The following PRKN variants were observed in gnomAD, a reference collection of about 807,000 sequenced individuals.
The protein encoded by PRKN is parkin RBR E3 ubiquitin protein ligase, also known as E3 ubiquitin-protein ligase parkin.
Under a neutral mutation model 59.5 loss-of-function variants are expected in PRKN, and 56 were observed. The observed-to-expected ratio is 0.94, with a 90% CI of 0.76 to 1.18. PRKN has a LOEUF of 1.18. PRKN is among the 50% of genes most tolerant of loss of function. The pLI, the probability that PRKN is intolerant of heterozygous loss-of-function variation, is 0.00. For missense variants in PRKN, 657 were observed against 596.4 expected, an observed-to-expected ratio of 1.10 and a Z score of -1.06; for synonymous variants, 250 against 222.1, an observed-to-expected ratio of 1.13 and a Z score of -1.12.
intron 5 of PRKN, among the ~76,000 whole-genome samples, chr6:162,038,028 T>A (rs1783914964): frequency 6.7e-6 from 1 of 150,070 alleles, no homozygotes; most frequent in Non-Finnish European, 1.5e-5. Context: ...ATAATCATAC[T>A]GGCACACAGT....
chr6:162,476,061 T>C (rs1267527299), intron 1 of PRKN, among the ~76,000 whole-genome samples: 5 of 145,480 alleles, frequency 3.4e-5, no homozygotes, highest in African/African-American at 1.3e-4. Flanking sequence ...ACCACTCTTT[T>C]TTTTTTTTTT....
At chr6:161,998,717 T>C (rs762442272) in intron 5 of PRKN, among the ~76,000 whole-genome samples, 53 of 152,146 alleles carry the variant, frequency 3.5e-4, no homozygotes, top group Non-Finnish European at 1.2e-4. Context: ...TCCAGGAAAG[T>C]CTTGAGAGAA....
intron 4 of PRKN, among the ~76,000 whole-genome samples, chr6:162,083,624 G>T (rs1175629496): frequency 1.3e-5 from 2 of 151,914 alleles, no homozygotes; most frequent in African/African-American, 4.8e-5. Context: ...AACTAAACAG[G>T]TCCTCCTGTC....
intron 2 of PRKN, among the ~76,000 whole-genome samples, chr6:162,301,440 A>C (rs1168559336): frequency 6.6e-6 from 1 of 152,136 alleles, no homozygotes; most frequent in African/African-American, 2.4e-5. Context: ...GAGGGATGCC[A>C]TAACCAAACA....
chr6:162,661,106 A>C (rs1778857967), intron 1 of PRKN, among the ~76,000 whole-genome samples: 1 of 152,130 alleles, frequency 6.6e-6, no homozygotes, highest in South Asian at 2.1e-4. Flanking sequence ...TACTAAAAAT[A>C]CAAAATTAGC....
intron 2 of PRKN, among the ~76,000 whole-genome samples, chr6:162,402,296 A>T (rs1583509017): frequency 6.6e-6 from 1 of 151,940 alleles, no homozygotes; most frequent in African/African-American, 2.4e-5. Context: ...TCCGATAAGC[A>T]GTATTATTCC....
rs114477149 is a variant in PRKN, at chr6:161,660,121, C to G, written c.872-90705G>C. On this transcript the variant is annotated intron_variant, in intron 7 of 11. Transcript: ENST00000366898. ...TACTATAATGATTAGAACTATTAGT[C>G]TGCTATACAACTATCACAGATAATA... is the stretch of plus-strand genomic sequence containing the variant. Among the ~76,000 whole-genome samples the G allele has an allele frequency of 3.8e-3, 572 of 152,262 alleles. 3 individuals carry two copies. The highest frequency in any genetic ancestry group is 0.013 in the African/African-American group (546 of 41,548).
At chr6:161,382,353 A>G (rs1263037952) in intron 10 of PRKN, among the ~76,000 whole-genome samples, 4 of 151,584 alleles carry the variant, frequency 2.6e-5, no homozygotes, top group Non-Finnish European at 4.4e-5. Flanking sequence ...GCATGGGCAC[A>G]TTCCCCTCAG....
intron 7 of PRKN, among the ~76,000 whole-genome samples, chr6:161,598,574 GA>G (rs1781999682): frequency 6.6e-6 from 1 of 152,150 alleles, no homozygotes; most frequent in South Asian, 2.1e-4. Flanking sequence ...ACACGCATAT[GA>G]TTTCTATATT....
intron 1 of PRKN, among the ~76,000 whole-genome samples, chr6:162,668,785 C>T (rs1453376426): frequency 1.3e-5 from 2 of 151,990 alleles, no homozygotes; most frequent in Admixed American, 1.3e-4. Flanking sequence ...ATAGGTAGGC[C>T]CAGGGACATA....
At position 161,411,316 on chromosome 6, in the gene PRKN, T is replaced by C. The variant is rs952780682; in HGVS notation, c.1084-24439A>G. Among the ~76,000 whole-genome samples, 18 of 152,268 alleles carry C rather than the reference T, an allele frequency of 1.2e-4. No individual in the cohort carries two copies. In the East Asian group the frequency reaches 3.5e-3, roughly 29 times the overall value. The stretch of plus-strand genomic sequence containing the variant: ...AGTGAATAAGTCTCACAAGATCTGA[T>C]GGTTTTATAAAGGGGAGGTCCCCTG... On this transcript the variant is annotated intron_variant, in intron 9 of 11. Coordinates refer to ENST00000366898, the MANE Select transcript of PRKN (RefSeq NM_004562.3).
chr6:161,811,697 T>C (rs916144242), intron 6 of PRKN, among the ~76,000 whole-genome samples: 7 of 151,844 alleles, frequency 4.6e-5, no homozygotes, highest in African/African-American at 7.3e-5. Context: ...CCGAGGCGGG[T>C]GGATCACCTG....
At chr6:162,220,247 A>G (rs1777869767) in intron 3 of PRKN, among the ~76,000 whole-genome samples, 1 of 152,162 alleles carries the variant, frequency 6.6e-6, no homozygotes, top group South Asian at 2.1e-4. Context: ...CCTAGAAAAT[A>G]TCCTTCCCAT....
At chr6:161,749,073 G>A (rs562233776) in intron 7 of PRKN, among the ~76,000 whole-genome samples, 9 of 152,166 alleles carry the variant, frequency 5.9e-5, no homozygotes, top group Non-Finnish European at 7.3e-5. Context: ...TTGGTGAACA[G>A]ATGACTCTCT....
chr6:161,649,228 C>A (rs1784066611), intron 7 of PRKN, among the ~76,000 whole-genome samples: 2 of 152,306 alleles, frequency 1.3e-5, no homozygotes, highest in South Asian at 2.1e-4. Flanking sequence ...GACTGACCCC[C>A]TCTCTCATAT....
chr6:162,274,192 T>TATTAATTAATTAATTA (rs1780512653), intron 2 of PRKN, among the ~76,000 whole-genome samples: 2 of 151,814 alleles, frequency 1.3e-5, no homozygotes, highest in Non-Finnish European at 1.5e-5. Context: ...TGTATTTATT[T>TATTAATTAATTAATTA]ATTTATTTAT....
At position 161,347,613 on chromosome 6, in the gene PRKN, G is replaced by GTTTTTTTTTTTTTTTT. The variant is rs763588687; in HGVS notation, c.*2485_*2486insAAAAAAAAAAAAAAAA. The GTTTTTTTTTTTTTTTT allele has an allele frequency of 2.5e-5, 3 of 119,270 alleles. No homozygotes were observed. The highest frequency in any genetic ancestry group is 7.0e-5 in the African/African-American group (2 of 28,740). 7.4% of individuals were successfully genotyped at this position (119,270 alleles called of 1,614,324 possible). ...GTGTAGTGGATGATCTTGCTTTTTT[G>GTTTTTTTTTTTTTTTT]TTTTTGTTTTTTTTTTTTTTTTGAG... On this transcript the variant is annotated 3_prime_UTR_variant, in exon 12 of 12. Transcript: ENST00000366898.
intron 7 of PRKN, among the ~76,000 whole-genome samples, chr6:161,721,583 G>T (rs1787222292): frequency 1.3e-5 from 2 of 152,160 alleles, no homozygotes; most frequent in African/African-American, 4.8e-5. Context: ...AAGGCCAGTT[G>T]TTTATGCAGT....
intron 2 of PRKN, among the ~76,000 whole-genome samples, chr6:162,362,710 C>G (rs900269849): frequency 1.3e-5 from 2 of 152,090 alleles, no homozygotes; most frequent in African/African-American, 4.8e-5. Context: ...CTATTCCCTT[C>G]CAAAACCAAC....
Sources: allele counts gnomAD v4.1 joint callset (sites outside exome capture counted in the v4.1 genomes callset), GRCh38; gene constraint gnomAD v4.1.1; transcripts MANE v1.5; gene names NCBI Gene and HGNC (gene_info 2026-07-23, HGNC 2026-07-21).